The following POMT2 variants were observed in gnomAD, a reference collection of about 807,000 sequenced individuals.
POMT2 encodes protein O-mannosyltransferase 2.
Under a neutral mutation model 100.0 loss-of-function variants are expected in POMT2, and 75 were observed. The observed-to-expected ratio is 0.75, with a 90% CI of 0.62 to 0.91. The LOEUF is 0.91. POMT2 is among the 40% of genes least tolerant of loss of function. The pLI is 0.00. For missense variants in POMT2, 940 were observed against 955.1 expected, an observed-to-expected ratio of 0.98 and a Z score of 0.21; for synonymous variants, 378 against 374.1, an observed-to-expected ratio of 1.01 and a Z score of -0.12.
At chr14:77,287,983 G>C (rs1253170709) in intron 11 of POMT2, among the ~76,000 whole-genome samples, 1 of 152,174 alleles carries the variant, frequency 6.6e-6, no homozygotes, top group Non-Finnish European at 1.5e-5. Context: ...TCCTAAAGTG[G>C]ACCTGGGCAT....
chr14:77,306,283 G>A, intron 3 of POMT2, 54 bp downstream of exon 3: 2 of 1,604,094 alleles, frequency 1.2e-6, no homozygotes, highest in South Asian at 2.2e-5. Context: ...TAACATTTCT[G>A]GTTTAGTGTG....
chr14:77,278,436 T>C lies in POMT2; in HGVS notation c.2105A>G (p.His702Arg), dbSNP rs142381375. 9 of 1,497,174 alleles carry C rather than the reference T, an allele frequency of 6.0e-6. No individual in the cohort carries two copies. The African/African-American group carries it at 8.4e-5, about 14-fold the overall frequency. The allele number at this position is 1,497,174 out of a possible 1,614,324, so 92.7% of individuals were successfully genotyped here. A position where few individuals can be genotyped will look rare whatever the true frequency, so the allele number is the denominator to read the frequency against. The change falls in exon 20 of 21, where the codon CAT becomes CGT. Residue 702 changes from histidine to arginine, a missense_variant. His to Arg is a conservative substitution (Grantham distance 29). Transcript: ENST00000261534. ...LASWPLARGI[H>R]VAGILSLLLG... ...GAGCAGGCTCAGGATTCCCGCCACA[T>C]GTATGCCCCTCGCCAGGGGCCATGA...
chr14:77,308,759 G>A lies in POMT2; in HGVS notation c.334-2318C>T, dbSNP rs757258365. 9.9e-5 allele frequency: 45 copies of A among 454,220 alleles called. 2 individuals are homozygous for A. The highest frequency in any genetic ancestry group is 6.6e-4 in the South Asian group (42 of 63,956). 28.1% of individuals were successfully genotyped at this position (454,220 alleles called of 1,614,324 possible). Reference sequence around the variant, plus strand: ...GAGTATATATGATTACAACATCTTTGCAGGAAAACTTAGCAATATCTAACT... The same window carrying A: ...GAGTATATATGATTACAACATCTTTACAGGAAAACTTAGCAATATCTAACT... On this transcript the variant is annotated intron_variant, in intron 2 of 20. Coordinates refer to ENST00000261534, the MANE Select transcript of POMT2 (RefSeq NM_013382.7).
chr14:77,279,258 C>A, intron 18 of POMT2: 1 of 378,020 alleles, frequency 2.6e-6, no homozygotes, highest in South Asian at 2.1e-5. Flanking sequence ...GAGGAGGTGT[C>A]TGGGACTATG....
chr14:77,283,406 G>C (rs1209508092), intron 15 of POMT2, among the ~76,000 whole-genome samples: 4 of 152,222 alleles, frequency 2.6e-5, no homozygotes, highest in Admixed American at 2.6e-4. Flanking sequence ...AAGCCTACCA[G>C]CCTGGCTCTG....
Position 77,311,969 on chromosome 14 carries a change from C to T in POMT2, c.313G>A (p.Val105Met). ...YYINRTFFFD[V>M]HPPLGKMLIG... Reference sequence around the variant, plus strand: ...CTCACCTTTCCCAGGGGCGGGTGCACATCAAAGAAAAATGTACGGTTGATA... The same window carrying T: ...CTCACCTTTCCCAGGGGCGGGTGCATATCAAAGAAAAATGTACGGTTGATA... Residue 105 changes from valine (V) to methionine (M), a missense_variant, in exon 2 of 21, where the codon GTG (valine) becomes ATG (methionine). Physicochemically the swap from Val to Met is conservative, Grantham distance 21 (BLOSUM62 1). Transcript: ENST00000261534. 1 of 1,613,944 alleles carries T rather than the reference C, an allele frequency of 6.2e-7. No individual in the cohort carries two copies. The highest frequency in any genetic ancestry group is 1.1e-5 in the South Asian group (1 of 91,066).
chr14:77,304,726 C>T lies in POMT2; in HGVS notation c.513G>A (p.Ser171=), dbSNP rs751296728. Residue 171 remains serine, a synonymous_variant, in exon 4 of 21, where the codon TCG becomes TCA. Transcript: ENST00000261534. ...LTVLDLSKSL[S]AALLTAALLT... ...GGAGGGCAGCTGTGAGCAGTGCTGC[C>T]GAGAGGGACTTGGACAGATCCAGTA... 10 of 1,597,742 alleles carry T rather than the reference C, an allele frequency of 6.3e-6. No individual in the cohort carries two copies. Among genetic ancestry groups the T allele is most frequent in the East Asian group, 2.2e-5 (1 of 44,530 alleles).
Position 77,276,617 on chromosome 14 carries a change from C to A in POMT2, c.*759G>T. 1 of 152,678 alleles carries A rather than the reference C, an allele frequency of 6.5e-6. No individual in the cohort carries two copies. The allele number at this position is 152,678 out of a possible 1,614,324, so 9.5% of individuals were successfully genotyped here. On this transcript the variant is annotated 3_prime_UTR_variant, in exon 21 of 21. Transcript: ENST00000261534. The stretch of plus-strand genomic sequence containing the variant: ...AGCCCAGGATAGGACATCGTTCCTC[C>A]CGAGTGTCACAGTGTGACAATCCCA...
At chr14:77,310,869 C>G (rs1459670859) in intron 2 of POMT2, among the ~76,000 whole-genome samples, 1 of 152,234 alleles carries the variant, frequency 6.6e-6, no homozygotes, top group Non-Finnish European at 1.5e-5. Context: ...GGTGCGGTGG[C>G]TTGCCTGTAA....
intron 8 of POMT2, among the ~76,000 whole-genome samples, chr14:77,298,250 G>A (rs896838965): frequency 5.3e-5 from 8 of 152,232 alleles, no homozygotes; most frequent in East Asian, 1.9e-4. Flanking sequence ...CCCTCTTTAC[G>A]TACTTAACGC....
chr14:77,311,923 G>A, intron 2 of POMT2, 26 bp downstream of exon 2: 1 of 1,613,564 alleles, frequency 6.2e-7, no homozygotes. Context: ...TGGGACCAGA[G>A]AGCTGCTATT....
rs188822248 is a variant in POMT2, at chr14:77,286,784, G to A, written c.1292C>T (p.Pro431Leu). The stretch of plus-strand genomic sequence containing the variant: ...GACCTGATAGTGCTTCCGGGTCATG[G>A]GGGCCTCATGATAGTGACTGTGCAA... ...RNLHSHYHEAPMTRKHYQVTG... is the reference protein window; with the variant it reads ...RNLHSHYHEALMTRKHYQVTG... The change falls in exon 12 of 21, where the codon CCC becomes CTC. Residue 431 changes from proline to leucine, a missense_variant. Physicochemically the swap from Pro to Leu is moderately conservative, Grantham distance 98. Coordinates refer to ENST00000261534, the MANE Select transcript of POMT2 (RefSeq NM_013382.7). The A allele has an allele frequency of 6.2e-7, 1 of 1,614,138 alleles. No homozygotes were observed. The highest frequency in any genetic ancestry group is 2.2e-5 in the East Asian group (1 of 44,890).
intron 9 of POMT2, among the ~76,000 whole-genome samples, chr14:77,292,096 T>C (rs922576534): frequency 1.8e-4 from 27 of 152,278 alleles, no homozygotes; most frequent in African/African-American, 6.5e-4. Flanking sequence ...GCTATTATAT[T>C]TTCTATAATG....
intron 4 of POMT2, among the ~76,000 whole-genome samples, chr14:77,303,616 C>T (rs541880548): frequency 9.2e-5 from 14 of 152,332 alleles, no homozygotes; most frequent in Admixed American, 9.2e-4. Context: ...ACATGCACTT[C>T]CCTCTGCCTG....
At chr14:77,306,247 T>G in intron 3 of POMT2, 90 bp downstream of exon 3, 1 of 1,573,920 alleles carries the variant, frequency 6.4e-7, no homozygotes. Context: ...TATTTGCACC[T>G]GCCACCACGC....
intron 11 of POMT2, chr14:77,287,026 G>A (rs1890449476): frequency 9.5e-7 from 1 of 1,055,274 alleles, no homozygotes; most frequent in Non-Finnish European, 1.3e-6. Context: ...CCCAAACCAG[G>A]AGAGACAGAT....
Position 77,277,134 on chromosome 14 carries a change from C to G in POMT2, c.*242G>C. ...CACCCATCCTCCCCTGCGCTGTGCA[C>G]GAGGGAGCAGCCCAAGAGGCGCTGT... On this transcript the variant is annotated 3_prime_UTR_variant, in exon 21 of 21. Transcript: ENST00000261534. 1 of 551,692 alleles carries G rather than the reference C, an allele frequency of 1.8e-6. No individual in the cohort carries two copies. The allele number at this position is 551,692 out of a possible 1,614,324, so 34.2% of individuals were successfully genotyped here. A position where few individuals can be genotyped will look rare whatever the true frequency, so the allele number is the denominator to read the frequency against.
Position 77,306,336 on chromosome 14 carries a change from C to G in POMT2, c.438+1G>C, listed in dbSNP as rs1485155221. On this transcript the variant is annotated splice_donor_variant, in intron 3 of 20. Coordinates refer to ENST00000261534, the MANE Select transcript of POMT2 (RefSeq NM_013382.7). LOFTEE classifies it high-confidence loss of function. The stretch of plus-strand genomic sequence containing the variant: ...GTCCATTTCAAGTCAGGAAGCCTTA[C>G]TCCTCTCATTCCCATGTAGCTGTGA... 1 of 1,612,034 alleles carries G rather than the reference C, an allele frequency of 6.2e-7. No homozygotes were observed. The highest frequency in any genetic ancestry group is 2.2e-5 in the East Asian group (1 of 44,862).
At position 77,302,942 on chromosome 14, in the gene POMT2, G is replaced by C. The variant is rs1891099629; in HGVS notation, c.549C>G (p.Asp183Glu). ...ACTGGGACAGAGTGAGGCATCCCGT[G>C]TCTGAAAAACATGAGCTCGCTGGTG... ...ALLTAALLTF[D>E]TGCLTLSQYI... The change falls in exon 5 of 21, where the codon GAC becomes GAG. Residue 183 changes from aspartate (D) to glutamate (E), a missense_variant and splice_region_variant. Asp to Glu is a conservative substitution (Grantham distance 45). Transcript: ENST00000261534. The C allele has an allele frequency of 6.2e-7, 1 of 1,610,022 alleles. No homozygotes were observed. Among genetic ancestry groups the C allele is most frequent in the East Asian group, 2.2e-5 (1 of 44,802 alleles).
Sources: gnomAD v4.1 joint callset for allele counts (sites outside exome capture counted in the v4.1 genomes callset) on GRCh38, gnomAD v4.1.1 for gene constraint, MANE v1.5 for transcripts, NCBI Gene and HGNC (gene_info 2026-07-23, HGNC 2026-07-21) for gene names.